The following PTPRZ1 variants were observed in gnomAD, a reference collection of about 807,000 sequenced individuals.
The protein encoded by PTPRZ1 is receptor-type tyrosine-protein phosphatase zeta.
In PTPRZ1, 82 loss-of-function variants were observed where a neutral mutation model predicts 214.1. The observed-to-expected ratio is 0.38, with a 90% CI of 0.32 to 0.46. The LOEUF (loss-of-function observed/expected upper bound fraction) is 0.46, where lower values mean the gene tolerates loss of function less well. Ranked by LOEUF, PTPRZ1 falls within the 20% of genes least tolerant of loss-of-function variation. PTPRZ1 has a pLI of 1.00. For synonymous variants in PTPRZ1, 945 were observed against 987.9 expected, an observed-to-expected ratio of 0.96 and a Z score of 0.81; for missense variants, 2,603 against 2,748.7, an observed-to-expected ratio of 0.95 and a Z score of 1.19.
chr7:121,988,820 G>C (rs1266048196), intron 8 of PTPRZ1, among the ~76,000 whole-genome samples: 1 of 152,186 alleles, frequency 6.6e-6, no homozygotes, highest in African/African-American at 2.4e-5. Flanking sequence ...AGACAGGTTG[G>C]AGCCAAGTTC....
intron 11 of PTPRZ1, among the ~76,000 whole-genome samples, chr7:122,008,900 G>A (rs1196476): frequency 1.7e-3 from 264 of 152,142 alleles, no homozygotes; most frequent in African/African-American, 6.2e-3. Context: ...GCAAGTCAAG[G>A]CAAATTATTC....
intron 23 of PTPRZ1, among the ~76,000 whole-genome samples, chr7:122,047,279 T>C (rs968030036): frequency 6.6e-6 from 1 of 152,168 alleles, no homozygotes; most frequent in African/African-American, 2.4e-5. Context: ...CTCTTAAAAA[T>C]TGTTTACTCT....
At chr7:122,044,322 T>C (rs1355352417) in intron 22 of PTPRZ1, 100 bp from the exon 23 acceptor site, 1 of 1,417,078 alleles carries the variant, frequency 7.1e-7, no homozygotes, top group Admixed American at 1.9e-5. Flanking sequence ...CCCCATTCTG[T>C]AAAACTCTCC....
intron 6 of PTPRZ1, among the ~76,000 whole-genome samples, chr7:121,982,163 C>T (rs930174373): frequency 3.2e-4 from 48 of 152,264 alleles, no homozygotes; most frequent in African/African-American, 1.2e-3. Context: ...ATCCATTCCA[C>T]ATTCCATAAT....
At chr7:121,917,486 A>G (rs1404874431) in intron 1 of PTPRZ1, among the ~76,000 whole-genome samples, 1 of 152,216 alleles carries the variant, frequency 6.6e-6, no homozygotes, top group Non-Finnish European at 1.5e-5. Context: ...TGCAGGGCAC[A>G]TTAGATAAAT....
At chr7:121,903,887 TAGC>T (rs1795039675) in intron 1 of PTPRZ1, among the ~76,000 whole-genome samples, 1 of 151,840 alleles carries the variant, frequency 6.6e-6, no homozygotes, top group Non-Finnish European at 1.5e-5. Flanking sequence ...ATGAACAAAA[TAGC>T]AGAATAAATT....
chr7:121,929,240 C>T (rs1365514071), intron 2 of PTPRZ1, among the ~76,000 whole-genome samples: 3 of 151,884 alleles, frequency 2.0e-5, no homozygotes, highest in South Asian at 2.1e-4. Flanking sequence ...TTTTATTATC[C>T]AAAATTTATA....
chr7:121,974,671 G>A (rs950399385), intron 4 of PTPRZ1, among the ~76,000 whole-genome samples: 13 of 151,970 alleles, frequency 8.6e-5, no homozygotes, highest in African/African-American at 3.1e-4. Context: ...CTATCTTTAA[G>A]TAGAGACGGA....
intron 26 of PTPRZ1, 48 bp from the exon 27 acceptor site, chr7:122,054,892 TG>T: frequency 6.7e-7 from 1 of 1,497,994 alleles, no homozygotes; most frequent in Non-Finnish European, 8.9e-7. Context: ...TCTGACTTAT[TG>T]GTCATTTTAT....
chr7:121,956,766 G>T (rs1346375437), intron 2 of PTPRZ1, among the ~76,000 whole-genome samples: 1 of 152,178 alleles, frequency 6.6e-6, no homozygotes, highest in Non-Finnish European at 1.5e-5. Context: ...CATACCACAA[G>T]GCTTTTGCAC....
rs545410849 is a variant in PTPRZ1, at chr7:121,977,752, T to C, written c.619+901T>C. Among the ~76,000 whole-genome samples, 3 of 152,104 alleles carry C rather than the reference T, an allele frequency of 2.0e-5. No individual in the cohort carries two copies. In the South Asian group the frequency reaches 6.2e-4, roughly 32 times the overall value. On this transcript the variant is annotated intron_variant, in intron 6 of 29. Coordinates refer to ENST00000393386, the MANE Select transcript of PTPRZ1 (RefSeq NM_002851.3). ...GAGACACAGCACAAGATGAAGCTGT[T>C]ACCTCCCTCCATCAACCCAGATTGC...
intron 8 of PTPRZ1, among the ~76,000 whole-genome samples, chr7:121,992,496 A>G (rs1018627962): frequency 3.3e-5 from 5 of 152,230 alleles, no homozygotes; most frequent in Admixed American, 6.5e-5. Flanking sequence ...GATGAATGAT[A>G]AAGCACAGGA....
At chr7:122,035,459 A>G (rs1316343429) in intron 17 of PTPRZ1, among the ~76,000 whole-genome samples, 1 of 152,224 alleles carries the variant, frequency 6.6e-6, no homozygotes, top group African/African-American at 2.4e-5. Context: ...TAAGAAGGAG[A>G]CAGAGATTAA....
chr7:121,949,254 T>C (rs1233860527), intron 2 of PTPRZ1, among the ~76,000 whole-genome samples: 1 of 152,198 alleles, frequency 6.6e-6, no homozygotes, highest in Non-Finnish European at 1.5e-5. Flanking sequence ...GATATGCATT[T>C]ATCTCAGTGA....
intron 2 of PTPRZ1, among the ~76,000 whole-genome samples, chr7:121,934,233 G>A (rs1339845088): frequency 6.6e-6 from 1 of 152,036 alleles, no homozygotes; most frequent in Non-Finnish European, 1.5e-5. Flanking sequence ...TAGCAAGAAG[G>A]GCAAAGGTAG....
chr7:121,991,467 G>A (rs1300224543), intron 8 of PTPRZ1, among the ~76,000 whole-genome samples: 3 of 152,176 alleles, frequency 2.0e-5, no homozygotes, highest in Admixed American at 2.0e-4. Flanking sequence ...GTAGCATAAA[G>A]GGAGTGTCTT....
chr7:121,945,956 G>C (rs1467337675), intron 2 of PTPRZ1, among the ~76,000 whole-genome samples: 2 of 152,180 alleles, frequency 1.3e-5, no homozygotes, highest in South Asian at 4.1e-4. Flanking sequence ...GTTACCTTCA[G>C]AGTAGAATTC....
intron 2 of PTPRZ1, among the ~76,000 whole-genome samples, chr7:121,941,626 A>G (rs1348782077): frequency 6.6e-6 from 1 of 152,230 alleles, no homozygotes; most frequent in Non-Finnish European, 1.5e-5. Flanking sequence ...AAGGGAGCTT[A>G]AATGTCTAAA....
In PTPRZ1 at chr7:121,967,937, C is replaced by T. The variant is rs529347480; in HGVS notation, c.125-14C>T. 5.9e-6 allele frequency: 9 copies of T among 1,516,818 alleles called. No individual in the cohort carries two copies. The East Asian group carries it at 9.3e-5, about 16-fold the overall frequency. The allele number at this position is 1,516,818 out of a possible 1,614,324, so 94.0% of individuals were successfully genotyped here. A position where few individuals can be genotyped will look rare whatever the true frequency, so the allele number is the denominator to read the frequency against. ...ATTTAAGAAACTAAATTTCTTACTC[C>T]TTCTTTTCCCTAGGAGCACTGAATC... On this transcript the variant is annotated splice_polypyrimidine_tract_variant and intron_variant, in intron 2 of 29. Coordinates refer to ENST00000393386, the MANE Select transcript of PTPRZ1 (RefSeq NM_002851.3).
Sources: gnomAD v4.1 joint callset for allele counts (sites outside exome capture counted in the v4.1 genomes callset) on GRCh38, gnomAD v4.1.1 for gene constraint, MANE v1.5 for transcripts, NCBI Gene and HGNC (gene_info 2026-07-23, HGNC 2026-07-21) for gene names.